The following ZNF462 variants were observed in gnomAD, a reference collection of about 807,000 sequenced individuals.
ZNF462 encodes zinc finger PBX1-interacting protein.
In ZNF462, 10 loss-of-function variants were observed where a neutral mutation model predicts 201.9. The ratio of observed to expected loss-of-function variants is 0.05; its 90% CI spans 0.03 to 0.08. The LOEUF (loss-of-function observed/expected upper bound fraction) is 0.08. Ranked by LOEUF, ZNF462 falls within the 10% of genes least tolerant of loss-of-function variation. The probability of loss-of-function intolerance (pLI) is 1.00; values close to 1 mark genes in which losing one functional copy is unlikely to be tolerated. For missense variants in ZNF462, 2,523 were observed against 3,168.3 expected, an observed-to-expected ratio of 0.80 and a Z score of 4.89; for synonymous variants, 1,227 against 1,193.3, an observed-to-expected ratio of 1.03 and a Z score of -0.58.
chr9:106,875,935 CAT>C (rs1827812087), intron 1 of ZNF462, among the ~76,000 whole-genome samples: 1 of 152,176 alleles, frequency 6.6e-6, no homozygotes, highest in Non-Finnish European at 1.5e-5. Flanking sequence ...TATGTACACA[CAT>C]GTATCTCTAT....
intron 7 of ZNF462, among the ~76,000 whole-genome samples, chr9:106,940,277 C>T (rs1830811792): frequency 6.6e-6 from 1 of 152,060 alleles, no homozygotes; most frequent in African/African-American, 2.4e-5. Flanking sequence ...TAATAAAAGG[C>T]CGTTTTATTT....
At position 106,970,697 on chromosome 9, in the gene ZNF462, C is replaced by A. The variant is rs1826557205; in HGVS notation, c.6428-1308C>A. Among the ~76,000 whole-genome samples the A allele has an allele frequency of 1.3e-5, 2 of 152,186 alleles. No homozygotes were observed. Among genetic ancestry groups the A allele is most frequent in the African/African-American group, 4.8e-5 (2 of 41,442 alleles). On this transcript the variant is annotated intron_variant, in intron 7 of 12. Coordinates refer to ENST00000277225, the MANE Select transcript of ZNF462 (RefSeq NM_021224.6). The surrounding 1 kb of genome is among the most constrained non-coding windows in gnomAD (Gnocchi z 4.2). ...GGACTTCATTTGTGTCATTCATAGG[C>A]AGCTGTAGGTTATATAGGACAATGT...
chr9:106,923,395 T>A lies in ZNF462; in HGVS notation c.12T>A (p.Leu4=). The A allele has an allele frequency of 6.2e-7, 1 of 1,614,152 alleles. No individual in the cohort carries two copies. Among genetic ancestry groups the A allele is most frequent in the East Asian group, 2.2e-5 (1 of 44,872 alleles). ...GCTAGACCCAGATCATGGAGGTGCT[T>A]CAGTGTGATGGCTGTGATTTCCGAG... The part of the protein sequence containing the change: MEV[L]QCDGCDFRAP... The change falls in exon 2 of 13, where the codon CTT becomes CTA. Residue 4 remains leucine (L), a synonymous_variant. Transcript: ENST00000277225. This position sits in a 1 kb window ranked among gnomAD's most constrained non-coding sequence, Gnocchi z 5.6.
intron 1 of ZNF462, among the ~76,000 whole-genome samples, chr9:106,875,180 T>C (rs896279827): frequency 2.0e-5 from 3 of 152,172 alleles, no homozygotes; most frequent in African/African-American, 7.2e-5. Flanking sequence ...CTTGCCCCCT[T>C]TCCATGATCT....
chr9:106,994,590 T>C (rs1464533359), intron 10 of ZNF462, among the ~76,000 whole-genome samples: 3 of 152,172 alleles, frequency 2.0e-5, no homozygotes, highest in Non-Finnish European at 4.4e-5. Flanking sequence ...AAGGCTTCTC[T>C]AGAAGACTAT....
chr9:106,923,285 T>G lies in ZNF462; in HGVS notation c.-30-69T>G. 1.7e-6 allele frequency: 2 copies of G among 1,182,436 alleles called. No homozygotes were observed. Among genetic ancestry groups the G allele is most frequent in the Admixed American group, 3.5e-5 (2 of 56,544 alleles). 73.2% of individuals were successfully genotyped at this position (1,182,436 alleles called of 1,614,324 possible). A position where few individuals can be genotyped will look rare whatever the true frequency, so the allele number is the denominator to read the frequency against. Reference sequence around the variant, plus strand: ...GAATTTTTTCCCATTAATGGATATATAGCCCCATCAGCTCGAGGTATGTGA... The same window carrying G: ...GAATTTTTTCCCATTAATGGATATAGAGCCCCATCAGCTCGAGGTATGTGA... On this transcript the variant is annotated intron_variant, in intron 1 of 12. Coordinates refer to ENST00000277225, the MANE Select transcript of ZNF462 (RefSeq NM_021224.6). This position sits in a 1 kb window ranked among gnomAD's most constrained non-coding sequence, Gnocchi z 5.6.
intron 1 of ZNF462, among the ~76,000 whole-genome samples, chr9:106,914,858 T>G (rs1040253364): frequency 1.3e-5 from 2 of 152,108 alleles, no homozygotes; most frequent in African/African-American, 2.4e-5. Context: ...GTGGCTAAGA[T>G]AGAGTTGTCA....
In ZNF462 at chr9:106,950,333, G is replaced by T. The variant is rs1831286519; in HGVS notation, c.6427+11226G>T. 1.3e-5 allele frequency among the ~76,000 whole-genome samples: 2 copies of T among 152,212 alleles called. No individual in the cohort carries two copies. Among genetic ancestry groups the T allele is most frequent in the African/African-American group, 4.8e-5 (2 of 41,442 alleles). On this transcript the variant is annotated intron_variant, in intron 7 of 12. Coordinates refer to ENST00000277225, the MANE Select transcript of ZNF462 (RefSeq NM_021224.6). This position sits in a 1 kb window ranked among gnomAD's most constrained non-coding sequence, Gnocchi z 4.1. ...GAATAGAGCCACAACCAATGTGCTA[G>T]AAGTTGCAAATAGCTGCAGTCTATC...
chr9:106,901,171 G>A (rs762903421), intron 1 of ZNF462, among the ~76,000 whole-genome samples: 2 of 152,102 alleles, frequency 1.3e-5, no homozygotes, highest in Non-Finnish European at 2.9e-5. Flanking sequence ...TGTTGAAAAG[G>A]ATGTTCTTTC....
intron 9 of ZNF462, among the ~76,000 whole-genome samples, chr9:106,982,684 A>G (rs1827531163): frequency 1.3e-5 from 2 of 152,232 alleles, no homozygotes; most frequent in Admixed American, 1.3e-4. Flanking sequence ...TTAGAGCTCC[A>G]GGGGGTATGT....
At chr9:106,871,427 T>C (rs927294655) in intron 1 of ZNF462, among the ~76,000 whole-genome samples, 2 of 152,156 alleles carry the variant, frequency 1.3e-5, no homozygotes, top group Non-Finnish European at 2.9e-5. Flanking sequence ...AGTGACTGGT[T>C]GGATGGGAGA....
In ZNF462 at chr9:106,925,558, C is replaced by G; in HGVS notation, c.1646C>G (p.Pro549Arg). The change falls in exon 3 of 13, where the codon CCG becomes CGG. Residue 549 changes from proline to arginine, a missense_variant. Physicochemically the swap from Pro to Arg is moderately radical, Grantham distance 103 (BLOSUM62 -2). This residue lies in a region of ZNF462 where 383 missense variants were observed against 453.4 expected (regional missense o/e 0.84). Coordinates refer to ENST00000277225, the MANE Select transcript of ZNF462 (RefSeq NM_021224.6). This position sits in a 1 kb window ranked among gnomAD's most constrained non-coding sequence, Gnocchi z 7.9. ...QQQPPQPPPP[P>R]PPPPPSQPQP... ...CAGCCACCGCAGCCACCACCACCGC[C>G]GCCGCCACCACCACCATCACAGCCA... 6.2e-7 allele frequency: 1 copy of G among 1,612,228 alleles called. No individual in the cohort carries two copies. The highest frequency in any genetic ancestry group is 1.7e-4 in the Middle Eastern group (1 of 6,056).
rs1452208821 is a variant in ZNF462 at position 107,008,167 on chromosome 9, G to A, written c.7190-1378G>A. On this transcript the variant is annotated intron_variant, in intron 11 of 12. Coordinates refer to ENST00000277225, the MANE Select transcript of ZNF462 (RefSeq NM_021224.6). This position sits in a 1 kb window ranked among gnomAD's most constrained non-coding sequence, Gnocchi z 4.8. ...TCATTATGCAGTTGGGGAGGAGTCAGGAAGGCATTCTGTTGATTTCTTGCC... is the reference window on the plus strand; with the variant it reads ...TCATTATGCAGTTGGGGAGGAGTCAAGAAGGCATTCTGTTGATTTCTTGCC... Among the ~76,000 whole-genome samples the A allele has an allele frequency of 2.6e-5, 4 of 152,146 alleles. No homozygotes were observed. Among genetic ancestry groups the A allele is most frequent in the Non-Finnish European group, 5.9e-5 (4 of 68,026 alleles).
At position 106,920,617 on chromosome 9, in the gene ZNF462, CA is replaced by C. The variant is rs1008681683; in HGVS notation, c.-30-2734del. On this transcript the variant is annotated intron_variant, in intron 1 of 12. Transcript: ENST00000277225. The surrounding 1 kb of genome is among the most constrained non-coding windows in gnomAD (Gnocchi z 4.3). ...TCACTTTCATCATCTCTTCTTTTTC[CA>C]AATCAGTGACTCTTTTTCTGATCTC... is the stretch of plus-strand genomic sequence containing the variant. Among the ~76,000 whole-genome samples the C allele has an allele frequency of 2.6e-5, 4 of 152,172 alleles. No homozygotes were observed. The highest frequency in any genetic ancestry group is 9.7e-5 in the African/African-American group (4 of 41,432).
chr9:107,004,754 A>G (rs1416507409), intron 11 of ZNF462, among the ~76,000 whole-genome samples: 2 of 152,114 alleles, frequency 1.3e-5, no homozygotes, highest in African/African-American at 4.8e-5. Context: ...TCTCTTAGCA[A>G]TTGTCAGGTA....
Position 106,970,239 on chromosome 9 carries a change from A to G in ZNF462, c.6428-1766A>G, listed in dbSNP as rs1042698968. 6.6e-6 allele frequency among the ~76,000 whole-genome samples: 1 copy of G among 152,096 alleles called. No homozygotes were observed. Among genetic ancestry groups the G allele is most frequent in the Admixed American group, 6.6e-5 (1 of 15,260 alleles). ...AATGAACCTATGGAGGCTTGGAGAC[A>G]TTGTTCAGGTTTCCTTTTGTTTTAT... On this transcript the variant is annotated intron_variant, in intron 7 of 12. Transcript: ENST00000277225. This position sits in a 1 kb window ranked among gnomAD's most constrained non-coding sequence, Gnocchi z 4.2.
chr9:106,937,922 T>C (rs537416790), intron 6 of ZNF462, among the ~76,000 whole-genome samples: 4 of 152,210 alleles, frequency 2.6e-5, no homozygotes, highest in African/African-American at 4.8e-5. Flanking sequence ...TATCTTCTTA[T>C]TACTCTTTGA....
chr9:106,923,258 T>C lies in ZNF462; in HGVS notation c.-30-96T>C, dbSNP rs549419327. Reference sequence around the variant, plus strand: ...TCCAATAAGAGAAATCTACTGATACTGGAATTTTTTCCCATTAATGGATAT... The same window carrying C: ...TCCAATAAGAGAAATCTACTGATACCGGAATTTTTTCCCATTAATGGATAT... On this transcript the variant is annotated intron_variant, in intron 1 of 12. Coordinates refer to ENST00000277225, the MANE Select transcript of ZNF462 (RefSeq NM_021224.6). The surrounding 1 kb of genome is among the most constrained non-coding windows in gnomAD (Gnocchi z 5.6). 2.3e-6 allele frequency: 2 copies of C among 868,662 alleles called. No homozygotes were observed. The highest frequency in any genetic ancestry group is 1.6e-5 in the South Asian group (1 of 60,808). 53.8% of individuals were successfully genotyped at this position (868,662 alleles called of 1,614,324 possible).
chr9:106,893,796 CAG>C (rs1258580808), intron 1 of ZNF462, among the ~76,000 whole-genome samples: 2 of 152,248 alleles, frequency 1.3e-5, no homozygotes, highest in South Asian at 2.1e-4. Flanking sequence ...TATGAGAAAA[CAG>C]AGGCTTTAGA....
Sources: allele counts gnomAD v4.1 joint callset (sites outside exome capture counted in the v4.1 genomes callset), GRCh38; gene constraint gnomAD v4.1.1; regional missense constraint gnomAD v4.1.1; non-coding constraint Gnocchi (gnomAD v3.1); transcripts MANE v1.5; gene names NCBI Gene and HGNC (gene_info 2026-07-23, HGNC 2026-07-21).